The following TIAM1 variants were observed in gnomAD, a reference collection of about 807,000 sequenced individuals.
TIAM1 encodes TIAM Rac1 associated GEF 1.
In TIAM1, 65 loss-of-function variants were observed where a neutral mutation model predicts 163.5. The ratio of observed to expected loss-of-function variants is 0.40; its 90% CI spans 0.33 to 0.49. The LOEUF (loss-of-function observed/expected upper bound fraction) is 0.49. TIAM1 is among the 20% of genes least tolerant of loss of function. The pLI, the probability that TIAM1 is intolerant of heterozygous loss-of-function variation, is 0.77. For missense variants in TIAM1, 1,789 were observed against 2,044.7 expected, an observed-to-expected ratio of 0.87 and a Z score of 2.41; for synonymous variants, 833 against 810.1, an observed-to-expected ratio of 1.03 and a Z score of -0.48.
chr21:31,242,037 T>C (rs1471869616), intron 6 of TIAM1, among the ~76,000 whole-genome samples: 1 of 151,926 alleles, frequency 6.6e-6, no homozygotes, highest in Non-Finnish European at 1.5e-5. Context: ...GTATGGCCCA[T>C]ATATAGAAAA....
chr21:31,530,556 G>A (rs577552640), intron 1 of TIAM1, among the ~76,000 whole-genome samples: 7 of 152,098 alleles, frequency 4.6e-5, no homozygotes, highest in East Asian at 1.9e-4. Flanking sequence ...GCAGAGCCAC[G>A]AAGATGAATG....
intron 4 of TIAM1, among the ~76,000 whole-genome samples, chr21:31,258,564 G>A (rs1007358573): frequency 6.6e-6 from 1 of 152,184 alleles, no homozygotes; most frequent in East Asian, 1.9e-4. Context: ...GGACGCAGTG[G>A]CTCATGCCTG....
chr21:31,218,495 G>C (rs2087342176), intron 8 of TIAM1, among the ~76,000 whole-genome samples: 1 of 151,994 alleles, frequency 6.6e-6, no homozygotes. Context: ...CTTGAACCCA[G>C]GAGATGGAGG....
At chr21:31,143,896 T>A (rs567458594) in intron 20 of TIAM1, among the ~76,000 whole-genome samples, 5 of 152,066 alleles carry the variant, frequency 3.3e-5, no homozygotes, top group Admixed American at 1.3e-4. Context: ...CTGGCTAATT[T>A]TTTTTTTTTG....
intron 2 of TIAM1, among the ~76,000 whole-genome samples, chr21:31,375,958 CA>C (rs1458160061): frequency 5.3e-5 from 8 of 151,812 alleles, no homozygotes; most frequent in Admixed American, 6.6e-5. Context: ...ATCCAGGAGG[CA>C]GAGGTTGCAG....
chr21:31,285,476 C>A (rs2073767550), intron 2 of TIAM1, among the ~76,000 whole-genome samples: 1 of 152,366 alleles, frequency 6.6e-6, no homozygotes, highest in East Asian at 1.9e-4. Flanking sequence ...TCACTCCCCC[C>A]ATGGACTTGC....
chr21:31,169,718 G>A (rs2084413994), intron 15 of TIAM1, among the ~76,000 whole-genome samples: 1 of 151,902 alleles, frequency 6.6e-6, no homozygotes, highest in Admixed American at 6.6e-5. Flanking sequence ...ACACAGGTAA[G>A]TCTTAGTATA....
intron 2 of TIAM1, among the ~76,000 whole-genome samples, chr21:31,416,061 TA>T (rs941009278): frequency 6.6e-6 from 1 of 152,182 alleles, no homozygotes; most frequent in Admixed American, 6.5e-5. Context: ...TTTCTGTTAG[TA>T]AAATTCAAGC....
intron 1 of TIAM1, among the ~76,000 whole-genome samples, chr21:31,340,313 C>T (rs1019704334): frequency 6.6e-6 from 1 of 152,022 alleles, no homozygotes; most frequent in Non-Finnish European, 1.5e-5. Context: ...AATAACGCTA[C>T]ATTCCCTTGT....
intron 2 of TIAM1, among the ~76,000 whole-genome samples, chr21:31,298,909 T>C (rs1267918541): frequency 6.6e-6 from 1 of 152,090 alleles, no homozygotes; most frequent in Non-Finnish European, 1.5e-5. Context: ...ACAGGCCTGC[T>C]ACAAATGAGT....
chr21:31,158,089 A>G (rs1274478407), intron 16 of TIAM1, among the ~76,000 whole-genome samples: 2 of 152,198 alleles, frequency 1.3e-5, no homozygotes, highest in African/African-American at 4.8e-5. Flanking sequence ...GACTTGGTCT[A>G]TGTAAGTTTA....
chr21:31,124,502 C>A lies in TIAM1; in HGVS notation c.4306+20G>T. 1 of 1,610,858 alleles carries A rather than the reference C, an allele frequency of 6.2e-7. No homozygotes were observed. The highest frequency in any genetic ancestry group is 8.5e-7 in the Non-Finnish European group (1 of 1,179,196). On this transcript the variant is annotated intron_variant, in intron 27 of 27. Coordinates refer to ENST00000541036, the MANE Select transcript of TIAM1 (RefSeq NM_001353694.2). Reference sequence around the variant, plus strand: ...GAGTGGGGGTGACGGGAATCTTGAACGTCCGAATCCCCACAGTACCTGCCC... The same window carrying A: ...GAGTGGGGGTGACGGGAATCTTGAAAGTCCGAATCCCCACAGTACCTGCCC...
intron 2 of TIAM1, among the ~76,000 whole-genome samples, chr21:31,312,956 C>T (rs545942702): frequency 1.3e-5 from 2 of 152,214 alleles, no homozygotes; most frequent in Admixed American, 6.5e-5. Context: ...AAAGGTCAAG[C>T]CCTCTGAGAC....
chr21:31,251,760 A>AGTG lies in TIAM1; in HGVS notation c.1390_1392dup (p.His464dup), dbSNP rs778389097. On this transcript the variant is annotated inframe_insertion, in exon 5 of 28. Coordinates refer to ENST00000541036, the MANE Select transcript of TIAM1 (RefSeq NM_001353694.2). ...CTCTCACCTTTCAGGGACACCCAGT[A>AGTG]GTGCTTCCACTTCCTCCGGGTGGCT... The AGTG allele has an allele frequency of 2.5e-6, 4 of 1,599,162 alleles. No individual in the cohort carries two copies. The African/African-American group carries it at 5.4e-5, about 21-fold the overall frequency.
At chr21:31,509,895 C>T (rs1165793705) in intron 1 of TIAM1, among the ~76,000 whole-genome samples, 1 of 152,158 alleles carries the variant, frequency 6.6e-6, no homozygotes, top group Non-Finnish European at 1.5e-5. Flanking sequence ...CTCCCCACCA[C>T]GAGAGTGTGT....
chr21:31,405,377 C>G (rs370028691), intron 2 of TIAM1, among the ~76,000 whole-genome samples: 2 of 152,304 alleles, frequency 1.3e-5, no homozygotes, highest in African/African-American at 4.8e-5. Context: ...CTTCAAGAGT[C>G]CAAGAAAGTC....
intron 6 of TIAM1, among the ~76,000 whole-genome samples, chr21:31,244,434 C>T (rs543450570): frequency 5.9e-4 from 90 of 152,248 alleles, no homozygotes; most frequent in Middle Eastern, 6.8e-3. Flanking sequence ...TTTAAGAAGA[C>T]GAACTGTCAG....
chr21:31,550,341 T>C (rs2048641460), intron 1 of TIAM1, among the ~76,000 whole-genome samples: 2 of 151,954 alleles, frequency 1.3e-5, no homozygotes, highest in South Asian at 4.2e-4. Flanking sequence ...ACACTACAGA[T>C]GAACCTTGAA....
chr21:31,522,141 G>A (rs1468403924), intron 1 of TIAM1, among the ~76,000 whole-genome samples: 1 of 151,832 alleles, frequency 6.6e-6, no homozygotes, highest in Non-Finnish European at 1.5e-5. Flanking sequence ...AAAATGCTGG[G>A]ATTACAGGCG....
Sources: allele counts gnomAD v4.1 joint callset (sites outside exome capture counted in the v4.1 genomes callset), GRCh38; gene constraint gnomAD v4.1.1; transcripts MANE v1.5; gene names NCBI Gene and HGNC (gene_info 2026-07-23, HGNC 2026-07-21).